FMNL2: variants seen among roughly 807,000 people sequenced by gnomAD.
The protein encoded by FMNL2 is formin-like protein 2.
Under a neutral mutation model 130.2 loss-of-function variants are expected in FMNL2, and 51 were observed. The observed-to-expected ratio is 0.39, with a 90% CI of 0.31 to 0.49. FMNL2 has a LOEUF of 0.49. Among genes scored for constraint, FMNL2 ranks in the 20% least tolerant of loss-of-function variants. FMNL2 has a pLI of 0.85. For synonymous variants in FMNL2, 465 were observed against 467.1 expected, an observed-to-expected ratio of 1.00 and a Z score of 0.06; for missense variants, 977 against 1,316.2, an observed-to-expected ratio of 0.74 and a Z score of 3.99.
rs574639006 is a variant in FMNL2, at chr2:152,520,589, C to A, written c.118-1354C>A. Among the ~76,000 whole-genome samples, 169 of 126,138 alleles carry A rather than the reference C, an allele frequency of 1.3e-3. 2 individuals are homozygous for A. The East Asian group carries it at 0.028, about 21-fold the overall frequency. 82.8% of individuals were successfully genotyped at this position (126,138 alleles called of 152,430 possible). A position where few individuals can be genotyped will look rare whatever the true frequency, so the allele number is the denominator to read the frequency against. ...CAGCCTGGGCAACAGGAGTGAAACCCCATCTCAAAAAAAAAAAAAAATTAA... is the reference window on the plus strand; with the variant it reads ...CAGCCTGGGCAACAGGAGTGAAACCACATCTCAAAAAAAAAAAAAAATTAA... On this transcript the variant is annotated intron_variant, in intron 1 of 25. Coordinates refer to ENST00000288670, the MANE Select transcript of FMNL2 (RefSeq NM_052905.4).
intron 5 of FMNL2, 95 bp downstream of exon 5, chr2:152,558,918 C>T (rs1695378706): frequency 2.7e-6 from 3 of 1,113,502 alleles, no homozygotes; most frequent in African/African-American, 1.6e-5. Flanking sequence ...AGGGCAGAAA[C>T]TCAGAAGCAG....
At chr2:152,391,045 A>G (rs1685080816) in intron 1 of FMNL2, among the ~76,000 whole-genome samples, 1 of 152,218 alleles carries the variant, frequency 6.6e-6, no homozygotes. Context: ...TAAATACTAT[A>G]GCAATAGTAA....
In FMNL2 at chr2:152,452,469, G is replaced by A. The variant is rs143149839; in HGVS notation, c.118-69474G>A. On this transcript the variant is annotated intron_variant, in intron 1 of 25. Coordinates refer to ENST00000288670, the MANE Select transcript of FMNL2 (RefSeq NM_052905.4). ...TGTTGTAGGCAGAAACCACTACGCAGTGGGTTGAAGGAGCAGAAACTTCTT... is the reference window on the plus strand; with the variant it reads ...TGTTGTAGGCAGAAACCACTACGCAATGGGTTGAAGGAGCAGAAACTTCTT... Among the ~76,000 whole-genome samples, 40 of 152,300 alleles carry A rather than the reference G, an allele frequency of 2.6e-4. No homozygotes were observed. In the East Asian group the frequency reaches 6.9e-3, roughly 26 times the overall value.
chr2:152,584,381 A>G (rs189995109), intron 9 of FMNL2, among the ~76,000 whole-genome samples: 2 of 152,336 alleles, frequency 1.3e-5, no homozygotes, highest in East Asian at 3.9e-4. Flanking sequence ...AAAGCTTTTC[A>G]TCTTTTTTAG....
At chr2:152,410,989 CTAGT>C (rs1039794021) in intron 1 of FMNL2, among the ~76,000 whole-genome samples, 1 of 152,140 alleles carries the variant, frequency 6.6e-6, no homozygotes, top group African/African-American at 2.4e-5. Flanking sequence ...TTAATTACTT[CTAGT>C]TAAAGAAGAG....
chr2:152,645,545 C>T (rs1373820724), intron 25 of FMNL2: 5 of 1,268,626 alleles, frequency 3.9e-6, no homozygotes, highest in Admixed American at 2.3e-5. Context: ...TCACTTTTTA[C>T]TTAGCTTCCT....
intron 2 of FMNL2, among the ~76,000 whole-genome samples, chr2:152,540,584 C>T (rs1364285869): frequency 1.3e-5 from 2 of 149,792 alleles, no homozygotes; most frequent in Non-Finnish European, 3.0e-5. Flanking sequence ...CAAGGATAAA[C>T]AATAACAAAT....
chr2:152,471,035 G>T (rs1689831758), intron 1 of FMNL2, among the ~76,000 whole-genome samples: 1 of 152,056 alleles, frequency 6.6e-6, no homozygotes, highest in South Asian at 2.1e-4. Flanking sequence ...CCTGTTCTGT[G>T]GAAGTGTTAC....
intron 1 of FMNL2, among the ~76,000 whole-genome samples, chr2:152,408,474 C>T (rs1033138753): frequency 1.3e-5 from 2 of 152,158 alleles, no homozygotes; most frequent in Non-Finnish European, 2.9e-5. Flanking sequence ...GCATTTTCTT[C>T]CCTCTTGTCT....
chr2:152,353,831 A>G (rs943976538), intron 1 of FMNL2, among the ~76,000 whole-genome samples: 2 of 152,150 alleles, frequency 1.3e-5, no homozygotes, highest in Non-Finnish European at 2.9e-5. Flanking sequence ...CTTTAACTGG[A>G]TTCTAGTATA....
At chr2:152,383,637 T>A (rs894719503) in intron 1 of FMNL2, among the ~76,000 whole-genome samples, 1 of 152,100 alleles carries the variant, frequency 6.6e-6, no homozygotes, top group African/African-American at 2.4e-5. Flanking sequence ...TATAATAATA[T>A]CTTACTGTTA....
intron 1 of FMNL2, among the ~76,000 whole-genome samples, chr2:152,454,227 A>G (rs1272027128): frequency 6.6e-6 from 1 of 152,214 alleles, no homozygotes; most frequent in African/African-American, 2.4e-5. Flanking sequence ...AAGTGAGCCA[A>G]TAGCATACCA....
chr2:152,471,167 G>A (rs996162889), intron 1 of FMNL2, among the ~76,000 whole-genome samples: 5 of 150,548 alleles, frequency 3.3e-5, no homozygotes, highest in Admixed American at 1.3e-4. Context: ...AAAAAAAAAA[G>A]CAGAAAAGTC....
At chr2:152,444,770 C>T (rs972234611) in intron 1 of FMNL2, among the ~76,000 whole-genome samples, 9 of 152,152 alleles carry the variant, frequency 5.9e-5, no homozygotes, top group East Asian at 1.9e-4. Context: ...ATGATAGAGT[C>T]GATTGAATGT....
intron 1 of FMNL2, among the ~76,000 whole-genome samples, chr2:152,507,586 A>C (rs1692244329): frequency 6.6e-6 from 1 of 152,160 alleles, no homozygotes; most frequent in African/African-American, 2.4e-5. Flanking sequence ...AGTTCAAGTA[A>C]TTTAAGTGAT....
chr2:152,379,685 A>G (rs1684357792), intron 1 of FMNL2, among the ~76,000 whole-genome samples: 1 of 152,250 alleles, frequency 6.6e-6, no homozygotes, highest in African/African-American at 2.4e-5. Flanking sequence ...TTTATGAAAG[A>G]ATACTCTGTT....
chr2:152,570,921 A>G (rs549321263), intron 6 of FMNL2, among the ~76,000 whole-genome samples: 1 of 152,350 alleles, frequency 6.6e-6, no homozygotes, highest in East Asian at 1.9e-4. Flanking sequence ...TTACTGGAAT[A>G]AACTTTTTCA....
chr2:152,421,553 A>G (rs1016992661), intron 1 of FMNL2, among the ~76,000 whole-genome samples: 1 of 152,162 alleles, frequency 6.6e-6, no homozygotes, highest in Non-Finnish European at 1.5e-5. Flanking sequence ...CATGACTAAG[A>G]GTAGAGAGTT....
intron 25 of FMNL2, among the ~76,000 whole-genome samples, chr2:152,646,743 TA>T (rs1553495477): frequency 5.3e-5 from 8 of 152,236 alleles, no homozygotes; most frequent in East Asian, 1.9e-4. Flanking sequence ...GCATGTATTC[TA>T]GCAGAAGTCA....
Sources: allele counts gnomAD v4.1 joint callset (sites outside exome capture counted in the v4.1 genomes callset), GRCh38; gene constraint gnomAD v4.1.1; transcripts MANE v1.5; gene names NCBI Gene and HGNC (gene_info 2026-07-23, HGNC 2026-07-21).